The following ZFAT variants were observed in gnomAD, a reference collection of about 807,000 sequenced individuals.
ZFAT encodes the protein zinc finger and AT-hook domain containing.
A neutral mutation model predicts 117.7 loss-of-function variants in ZFAT; 64 were observed. The ratio of observed to expected loss-of-function variants is 0.54; its 90% CI spans 0.44 to 0.67. ZFAT has a LOEUF of 0.67. ZFAT is among the 30% of genes least tolerant of loss of function. The pLI is 0.00. For missense variants in ZFAT, 1,433 were observed against 1,584.5 expected (o/e 0.90, Z 1.62); for synonymous variants, 679 against 615.0 (o/e 1.10, Z -1.54).
chr8:134,823,134 CAGG>C, the ZFAT span, among the ~76,000 whole-genome samples: 448 of 152,250 alleles, frequency 2.9e-3, 3 homozygotes, highest in African/African-American at 0.01. Context: ...GCTCAGAAAT[CAGG>C]AGAACTAGTT....
At chr8:134,500,308 T>G (rs1041456830) in intron 15 of ZFAT, among the ~76,000 whole-genome samples, 34 of 152,148 alleles carry the variant, frequency 2.2e-4, no homozygotes, top group African/African-American at 3.9e-4. Context: ...ATTCTGCAAA[T>G]AGCACCAACC....
At chr8:134,765,493 A>G in the ZFAT span, 1 of 152,250 alleles carries the variant, frequency 6.6e-6, no homozygotes, top group African/African-American at 2.4e-5. Context: ...ACTGGAGACT[A>G]GTATTACTCC....
chr8:134,586,824 TG>T (rs1366383165), intron 9 of ZFAT, among the ~76,000 whole-genome samples: 55 of 152,348 alleles, frequency 3.6e-4, no homozygotes, highest in African/African-American at 1.2e-3. Flanking sequence ...TGGAATCAGA[TG>T]GCATTGGTTC....
At chr8:134,584,204 T>C (rs1332108915) in intron 9 of ZFAT, among the ~76,000 whole-genome samples, 199 bp from the exon 10 acceptor site, 1 of 152,194 alleles carries the variant, frequency 6.6e-6, no homozygotes, top group Non-Finnish European at 1.5e-5. Context: ...CCCCAGGCTA[T>C]GCCTTCGTCC....
intron 1 of ZFAT, among the ~76,000 whole-genome samples, chr8:134,676,509 AC>A (rs1435166771): frequency 7.9e-5 from 12 of 152,138 alleles, no homozygotes; most frequent in African/African-American, 2.9e-4. Context: ...AAACTTTAAC[AC>A]CTCACTGTCA....
chr8:134,564,366 C>T (rs149397226), intron 11 of ZFAT, among the ~76,000 whole-genome samples: 133 of 152,326 alleles, frequency 8.7e-4, no homozygotes, highest in African/African-American at 3.0e-3. Flanking sequence ...TGTCCCCTTG[C>T]TGTCTGTGGC....
chr8:134,685,827 A>T (rs967459364), intron 1 of ZFAT, among the ~76,000 whole-genome samples: 3 of 152,202 alleles, frequency 2.0e-5, no homozygotes, highest in African/African-American at 7.2e-5. Context: ...CATGGCTAGT[A>T]TTTACTGATT....
the ZFAT span, chr8:134,785,642 C>T: frequency 4.6e-5 from 7 of 152,098 alleles, no homozygotes; most frequent in East Asian, 9.6e-4. Flanking sequence ...CACTGTGTCA[C>T]GTATCAAGTT....
At chr8:134,541,669 A>T (rs1263850763) in intron 11 of ZFAT, among the ~76,000 whole-genome samples, 5 of 152,256 alleles carry the variant, frequency 3.3e-5, no homozygotes, top group African/African-American at 1.2e-4. Context: ...AGGGAAGAGA[A>T]TGGAGAATAC....
intron 5 of ZFAT, among the ~76,000 whole-genome samples, chr8:134,606,526 C>T (rs942824649): frequency 1.8e-4 from 28 of 152,078 alleles, no homozygotes; most frequent in African/African-American, 6.5e-4. Flanking sequence ...AACAGCCTGG[C>T]CAACATAGTG....
chr8:134,640,730 G>C (rs996623109), intron 2 of ZFAT, among the ~76,000 whole-genome samples: 1 of 152,148 alleles, frequency 6.6e-6, no homozygotes, highest in Non-Finnish European at 1.5e-5. Flanking sequence ...CTTCCAGCTT[G>C]CTGCATCCAT....
chr8:134,528,208 C>T (rs1221404811), intron 12 of ZFAT, among the ~76,000 whole-genome samples: 1 of 152,234 alleles, frequency 6.6e-6, no homozygotes, highest in Non-Finnish European at 1.5e-5. Flanking sequence ...TGGCCACTTG[C>T]TTGCTTGGTG....
At chr8:134,569,489 G>A (rs1183161001) in intron 10 of ZFAT, among the ~76,000 whole-genome samples, 3 of 152,248 alleles carry the variant, frequency 2.0e-5, no homozygotes, top group East Asian at 3.9e-4. Context: ...CCCATCAGAA[G>A]GTGACTACCC....
chr8:134,642,545 C>G (rs1486074711), intron 2 of ZFAT, among the ~76,000 whole-genome samples: 2 of 152,166 alleles, frequency 1.3e-5, no homozygotes, highest in African/African-American at 4.8e-5. Flanking sequence ...ATTATCCTCC[C>G]ACCTGGTCCA....
the ZFAT span, among the ~76,000 whole-genome samples, chr8:134,772,085 G>C: frequency 6.6e-6 from 1 of 152,130 alleles, no homozygotes; most frequent in African/African-American, 2.4e-5. Flanking sequence ...TTTGGGTAGG[G>C]ACACAGGCAA....
In ZFAT at chr8:134,590,230, T is replaced by G. The variant is rs372120152; in HGVS notation, c.2563+38A>C. 4.6e-5 allele frequency: 69 copies of G among 1,514,204 alleles called. No homozygotes were observed. The African/African-American group carries it at 8.4e-4, about 19-fold the overall frequency. The allele number at this position is 1,514,204 out of a possible 1,614,324, so 93.8% of individuals were successfully genotyped here. A position where few individuals can be genotyped will look rare whatever the true frequency, so the allele number is the denominator to read the frequency against. On this transcript the variant is annotated intron_variant, in intron 8 of 15. Coordinates refer to ENST00000377838, the MANE Select transcript of ZFAT (RefSeq NM_020863.4). ...TGTTTTAAAATAAACATAAGCATTTTTAACATTAATCTTCCACTCCAAAAT... is the reference window on the plus strand; with the variant it reads ...TGTTTTAAAATAAACATAAGCATTTGTAACATTAATCTTCCACTCCAAAAT...
chr8:134,499,456 G>A (rs1294480831), intron 15 of ZFAT, among the ~76,000 whole-genome samples: 4 of 147,282 alleles, frequency 2.7e-5, no homozygotes, highest in African/African-American at 1.0e-4. Context: ...ACGGAGCTGG[G>A]ATGCCCCCGT....
chr8:134,534,609 G>A (rs1322760928), intron 11 of ZFAT, among the ~76,000 whole-genome samples: 1 of 149,620 alleles, frequency 6.7e-6, no homozygotes, highest in East Asian at 2.0e-4. Flanking sequence ...GGGAGAGAGG[G>A]AAGAGAGGGA....
chr8:134,537,536 C>T (rs898243176), intron 11 of ZFAT, among the ~76,000 whole-genome samples: 4 of 152,110 alleles, frequency 2.6e-5, no homozygotes, highest in African/African-American at 7.2e-5. Flanking sequence ...GGGGAGAAGA[C>T]GAGGGTCGAT....
Sources: allele counts gnomAD v4.1 joint callset (sites outside exome capture counted in the v4.1 genomes callset), GRCh38; gene constraint gnomAD v4.1.1; transcripts MANE v1.5; gene names NCBI Gene and HGNC (gene_info 2026-07-23, HGNC 2026-07-21).